The following MTUS2 variants were observed in gnomAD, a reference collection of about 807,000 sequenced individuals.
MTUS2 encodes the protein microtubule associated scaffold protein 2, also known as microtubule-associated tumor suppressor candidate 2.
MTUS2 carries 40 observed loss-of-function variants against 114.1 expected under a neutral mutation model. The observed-to-expected ratio is 0.35, with a 90% CI of 0.27 to 0.46. MTUS2 has a LOEUF of 0.46. Ranked by LOEUF, MTUS2 falls within the 20% of genes least tolerant of loss-of-function variation. The pLI, the probability that MTUS2 is intolerant of heterozygous loss-of-function variation, is 1.00. For missense variants in MTUS2, 1,679 were observed against 1,705.4 expected (o/e 0.98, Z 0.27); for synonymous variants, 688 against 672.0 (o/e 1.02, Z -0.37).
intron 4 of MTUS2, among the ~76,000 whole-genome samples, chr13:29,037,866 C>A (rs540079913): frequency 8.7e-4 from 132 of 152,274 alleles, no homozygotes; most frequent in African/African-American, 3.0e-3. Context: ...TCCATCAGGT[C>A]ATTTATGTTC....
chr13:29,224,851 C>A (rs1306823660), intron 5 of MTUS2, among the ~76,000 whole-genome samples: 1 of 152,138 alleles, frequency 6.6e-6, no homozygotes, highest in Non-Finnish European at 1.5e-5. Context: ...TCCAATCCAC[C>A]AAGTTCTGGA....
chr13:29,472,564 G>A (rs562540319), intron 9 of MTUS2, among the ~76,000 whole-genome samples: 1 of 152,228 alleles, frequency 6.6e-6, no homozygotes. Flanking sequence ...CCGCCTGGTG[G>A]TCACAGGTTT....
chr13:29,215,618 C>G (rs553272343), intron 5 of MTUS2, among the ~76,000 whole-genome samples: 5 of 152,014 alleles, frequency 3.3e-5, no homozygotes, highest in Admixed American at 1.3e-4. Context: ...AGTTTTCCTT[C>G]TAACAGTCAG....
At chr13:29,472,571 G>A (rs1439664464) in intron 9 of MTUS2, among the ~76,000 whole-genome samples, 1 of 152,094 alleles carries the variant, frequency 6.6e-6, no homozygotes, top group Non-Finnish European at 1.5e-5. Flanking sequence ...GTGGTCACAG[G>A]TTTGTTACAA....
rs151086213 is a variant in MTUS2 at position 28,938,252 on chromosome 13, C to T, written c.-242-86205C>T. ...CAAAAATTAGCTGGGCATGGTGTCG[C>T]GTGCCTGTAGTCCTAGCTACTCAGG... On this transcript the variant is annotated intron_variant, in intron 2 of 15. Coordinates refer to ENST00000612955, the MANE Select transcript of MTUS2 (RefSeq NM_001033602.4). 9.2e-5 allele frequency among the ~76,000 whole-genome samples: 14 copies of T among 151,888 alleles called. No individual in the cohort carries two copies. The East Asian group carries it at 1.2e-3, about 13-fold the overall frequency.
chr13:29,418,313 A>G (rs1279701643), intron 8 of MTUS2, among the ~76,000 whole-genome samples: 3 of 152,202 alleles, frequency 2.0e-5, no homozygotes, highest in African/African-American at 7.2e-5. Flanking sequence ...GGATTTCCTC[A>G]AGGATATCCA....
rs374040987 is a variant in MTUS2 at position 29,065,014 on chromosome 13, A to C, written c.2446+30889A>C. On this transcript the variant is annotated intron_variant, in intron 4 of 15. Transcript: ENST00000612955. ...GGTATGTATGTTCCACATTTTCCTT[A>C]TTCTGTCTTCCACTGATGGGCATTT... is the stretch of plus-strand genomic sequence containing the variant. Among the ~76,000 whole-genome samples the C allele has an allele frequency of 4.6e-5, 7 of 152,112 alleles. No homozygotes were observed. In the East Asian group the frequency reaches 5.8e-4, roughly 13 times the overall value.
At chr13:28,844,502 T>C (rs1875727945) in intron 2 of MTUS2, among the ~76,000 whole-genome samples, 1 of 151,940 alleles carries the variant, frequency 6.6e-6, no homozygotes, top group Admixed American at 6.6e-5. Flanking sequence ...AGAAAGGCCT[T>C]TTCAGAAGTA....
intron 11 of MTUS2, chr13:29,489,913 A>G (rs1375616091): frequency 6.6e-6 from 1 of 152,206 alleles, no homozygotes; most frequent in Non-Finnish European, 1.5e-5. Flanking sequence ...TGGTCTCACA[A>G]GAAAGAACGT....
intron 11 of MTUS2, among the ~76,000 whole-genome samples, chr13:29,491,895 G>T (rs1345081622): frequency 6.9e-6 from 1 of 144,178 alleles, no homozygotes; most frequent in Non-Finnish European, 1.5e-5. Flanking sequence ...GTGTATGTGT[G>T]CGTGGCGTGT....
At chr13:29,094,067 A>G (rs1410296941) in intron 4 of MTUS2, among the ~76,000 whole-genome samples, 1 of 152,146 alleles carries the variant, frequency 6.6e-6, no homozygotes, top group Non-Finnish European at 1.5e-5. Flanking sequence ...TCACTTGATC[A>G]TGGTATATAA....
chr13:29,238,300 T>C (rs993191853), intron 5 of MTUS2, among the ~76,000 whole-genome samples: 6 of 152,158 alleles, frequency 3.9e-5, no homozygotes, highest in Non-Finnish European at 8.8e-5. Flanking sequence ...ATAGGATAGA[T>C]GTATAATATG....
chr13:29,434,352 T>A (rs1023702336), intron 8 of MTUS2, among the ~76,000 whole-genome samples: 1 of 152,122 alleles, frequency 6.6e-6, no homozygotes, highest in African/African-American at 2.4e-5. Flanking sequence ...TCTCTGCATA[T>A]GCTGCTGCTC....
At chr13:28,834,457 T>A (rs1276356084) in intron 1 of MTUS2, among the ~76,000 whole-genome samples, 2 of 152,134 alleles carry the variant, frequency 1.3e-5, no homozygotes, top group Non-Finnish European at 2.9e-5. Flanking sequence ...TTTTAATAAA[T>A]GGTGCTGGAA....
At position 29,480,360 on chromosome 13, in the gene MTUS2, A is replaced by G. The variant is rs1881068713; in HGVS notation, c.3395A>G (p.Glu1132Gly). 6.5e-7 allele frequency: 1 copy of G among 1,529,492 alleles called. No homozygotes were observed. The highest frequency in any genetic ancestry group is 1.4e-5 in the African/African-American group (1 of 72,718). 94.7% of individuals were successfully genotyped at this position (1,529,492 alleles called of 1,614,324 possible). ...QLLSIRCQHQ[E>G]QVEDLTASHD... is the part of the protein sequence containing the mutation. ...CTGAGCATCCGGTGTCAACACCAGG[A>G]GCAGGTCAGTCTGCAGTGCGGCTCG... The change falls in exon 10 of 16, where the codon GAG (glutamate) becomes GGG (glycine). Residue 1132 changes from glutamate (E) to glycine (G), a missense_variant. By Grantham distance (98) the Glu-to-Gly change is moderately conservative. Around this residue, in one of 3 missense-constraint regions of MTUS2, gnomAD observed 822 missense variants for 899.7 expected, o/e 0.91. Transcript: ENST00000612955. The surrounding 1 kb of genome is among the most constrained non-coding windows in gnomAD (Gnocchi z 4.4).
chr13:28,941,100 A>G (rs1018165524), intron 2 of MTUS2, among the ~76,000 whole-genome samples: 42 of 152,098 alleles, frequency 2.8e-4, no homozygotes, highest in African/African-American at 9.7e-4. Flanking sequence ...ATAGTTGTAG[A>G]TCTTAACACC....
intron 5 of MTUS2, among the ~76,000 whole-genome samples, chr13:29,162,692 C>T (rs776275977): frequency 2.6e-5 from 4 of 152,292 alleles, no homozygotes; most frequent in East Asian, 3.9e-4. Context: ...TGTGTTTGAT[C>T]GTATTTCTAG....
At position 29,334,094 on chromosome 13, in the gene MTUS2, G is replaced by A. The variant is rs181286311; in HGVS notation, c.2905+9383G>A. 1.7e-4 allele frequency among the ~76,000 whole-genome samples: 26 copies of A among 152,150 alleles called. 1 individual carries two copies. In the South Asian group the frequency reaches 3.1e-3, roughly 18 times the overall value. On this transcript the variant is annotated intron_variant, in intron 7 of 15. Transcript: ENST00000612955. ...CTCCATCCCTGTGTTTTGAGCCTAT[G>A]TGTGTCTTTGCACGTGAGATGGGTC...
chr13:29,108,363 T>C (rs542629839), intron 5 of MTUS2, among the ~76,000 whole-genome samples: 6 of 152,244 alleles, frequency 3.9e-5, no homozygotes, highest in Admixed American at 3.9e-4. Context: ...ATTGCAAGCA[T>C]GTTTTGTTTT....
Sources: allele counts gnomAD v4.1 joint callset (sites outside exome capture counted in the v4.1 genomes callset), GRCh38; gene constraint gnomAD v4.1.1; regional missense constraint gnomAD v4.1.1; non-coding constraint Gnocchi (gnomAD v3.1); transcripts MANE v1.5; gene names NCBI Gene and HGNC (gene_info 2026-07-23, HGNC 2026-07-21).